The following LRP1B variants were observed in gnomAD, a reference collection of about 807,000 sequenced individuals.
The protein encoded by LRP1B is LDL receptor related protein 1B.
Under a neutral mutation model 556.6 loss-of-function variants are expected in LRP1B, and 217 were observed. That is an observed-to-expected ratio of 0.39 (90% CI 0.35 to 0.44). The LOEUF is 0.44. LRP1B is among the 20% of genes least tolerant of loss of function. LRP1B has a pLI of 1.00. For synonymous variants in LRP1B, 2,047 were observed against 1,865.8 expected (o/e 1.10, Z -2.50); for missense variants, 5,053 against 5,620.8 (o/e 0.90, Z 3.23).
At position 140,963,591 on chromosome 2, in the gene LRP1B, G is replaced by T. The variant is rs373178739; in HGVS notation, c.2888-11651C>A. Among the ~76,000 whole-genome samples the T allele has an allele frequency of 2.0e-5, 3 of 152,052 alleles. No individual in the cohort carries two copies. In the South Asian group the frequency reaches 6.2e-4, roughly 32 times the overall value. ...TTAAAATAATCACTGGCCAGTAACC[G>T]GTGAGGCAGCTCCAGTTAGCTCCTT... On this transcript the variant is annotated intron_variant, in intron 18 of 90. Coordinates refer to ENST00000389484, the MANE Select transcript of LRP1B (RefSeq NM_018557.3).
chr2:141,973,047 C>A (rs1484733202), intron 1 of LRP1B, among the ~76,000 whole-genome samples: 1 of 151,532 alleles, frequency 6.6e-6, no homozygotes, highest in Non-Finnish European at 1.5e-5. Flanking sequence ...CTTCAGACTT[C>A]AAACTGTATT....
At chr2:141,301,082 G>C (rs890541623) in intron 3 of LRP1B, among the ~76,000 whole-genome samples, 19 of 152,102 alleles carry the variant, frequency 1.2e-4, no homozygotes, top group African/African-American at 4.6e-4. Flanking sequence ...GTAGAAGCAG[G>C]AGATATATTA....
At chr2:142,130,625 G>A in intron 1 of LRP1B, 23 bp downstream of exon 1, 1 of 1,592,378 alleles carries the variant, frequency 6.3e-7, no homozygotes, top group South Asian at 1.1e-5. Flanking sequence ...CAGGGGAGGG[G>A]AGCGGGGAGG....
At chr2:141,292,151 G>T (rs1685995092) in intron 3 of LRP1B, among the ~76,000 whole-genome samples, 1 of 152,128 alleles carries the variant, frequency 6.6e-6, no homozygotes, top group Non-Finnish European at 1.5e-5. Flanking sequence ...ACCTGTGCAT[G>T]CGAGGGATCT....
chr2:141,154,605 T>C (rs1702019472), intron 7 of LRP1B, among the ~76,000 whole-genome samples: 1 of 151,872 alleles, frequency 6.6e-6, no homozygotes, highest in African/African-American at 2.4e-5. Context: ...TATATACCTT[T>C]AAAAGCTTAT....
At chr2:141,913,592 C>T (rs990249905) in intron 1 of LRP1B, among the ~76,000 whole-genome samples, 5 of 151,954 alleles carry the variant, frequency 3.3e-5, no homozygotes, top group African/African-American at 1.2e-4. Flanking sequence ...AAGAAACTTT[C>T]TCAATTACAA....
At chr2:140,877,217 T>A (rs938125885) in intron 25 of LRP1B, among the ~76,000 whole-genome samples, 1 of 152,200 alleles carries the variant, frequency 6.6e-6, no homozygotes, top group Non-Finnish European at 1.5e-5. Flanking sequence ...CTTTCGAAGC[T>A]GCCTACTGAT....
chr2:141,816,918 A>G (rs1696574787), intron 1 of LRP1B, among the ~76,000 whole-genome samples: 1 of 152,068 alleles, frequency 6.6e-6, no homozygotes, highest in Non-Finnish European at 1.5e-5. Context: ...GGACAGTTTT[A>G]TATTATCCCT....
chr2:140,873,418 T>C (rs1357444275), intron 25 of LRP1B, among the ~76,000 whole-genome samples: 1 of 152,128 alleles, frequency 6.6e-6, no homozygotes, highest in African/African-American at 2.4e-5. Context: ...GGGAAGGGAA[T>C]GTAATTGTCT....
intron 11 of LRP1B, among the ~76,000 whole-genome samples, chr2:141,044,586 C>T (rs1698810415): frequency 6.6e-6 from 1 of 151,416 alleles, no homozygotes; most frequent in South Asian, 2.1e-4. Context: ...AAAAAACAAA[C>T]AACCCCATCA....
At chr2:141,314,859 T>TATATATACATATATATAC in intron 3 of LRP1B, among the ~76,000 whole-genome samples, 1 of 137,386 alleles carries the variant, frequency 7.3e-6, no homozygotes, top group African/African-American at 2.7e-5. Context: ...TATATATACA[T>TATATATACATATATATAC]ATATATACAT....
intron 2 of LRP1B, among the ~76,000 whole-genome samples, chr2:141,784,841 T>C (rs1454023126): frequency 2.0e-5 from 3 of 152,018 alleles, no homozygotes; most frequent in Non-Finnish European, 2.9e-5. Context: ...TAACAGTCAA[T>C]GTTTTCTTAA....
chr2:142,006,498 C>A (rs1007254246), intron 1 of LRP1B, among the ~76,000 whole-genome samples: 3 of 152,124 alleles, frequency 2.0e-5, no homozygotes, highest in Admixed American at 6.5e-5. Context: ...CTGTGACTTC[C>A]TTTGCATTTA....
At chr2:141,293,625 CT>C (rs376533625) in intron 3 of LRP1B, among the ~76,000 whole-genome samples, 12,733 of 137,088 alleles carry the variant, frequency 0.093, 522 homozygotes, top group South Asian at 0.13. Context: ...TCACTACATT[CT>C]TTTTTTTTTT....
intron 86 of LRP1B, among the ~76,000 whole-genome samples, chr2:140,266,089 C>T (rs1326960904): frequency 2.6e-5 from 4 of 151,976 alleles, no homozygotes; most frequent in Non-Finnish European, 5.9e-5. Context: ...TTCTTAAATA[C>T]ATTAGTCTTT....
intron 3 of LRP1B, among the ~76,000 whole-genome samples, chr2:141,280,518 G>T (rs1277248947): frequency 6.6e-6 from 1 of 151,590 alleles, no homozygotes; most frequent in Non-Finnish European, 1.5e-5. Flanking sequence ...AAAAGCAATG[G>T]CAAAAACCTC....
At chr2:141,914,927 C>G (rs761795970) in intron 1 of LRP1B, among the ~76,000 whole-genome samples, 3 of 152,080 alleles carry the variant, frequency 2.0e-5, no homozygotes, top group Non-Finnish European at 4.4e-5. Context: ...CCATACTACC[C>G]AAAGTATCTA....
intron 66 of LRP1B, among the ~76,000 whole-genome samples, chr2:140,391,757 T>C (rs888751819): frequency 1.6e-4 from 24 of 152,080 alleles, no homozygotes; most frequent in Non-Finnish European, 1.2e-4. Context: ...CTATAAGTCA[T>C]AGCAAAAAAA....
At chr2:141,206,638 A>C (rs1454729921) in intron 6 of LRP1B, among the ~76,000 whole-genome samples, 1 of 152,010 alleles carries the variant, frequency 6.6e-6, no homozygotes, top group African/African-American at 2.4e-5. Flanking sequence ...CACCAAAAAC[A>C]ATTGTAGTGG....
Sources: allele counts gnomAD v4.1 joint callset (sites outside exome capture counted in the v4.1 genomes callset), GRCh38; gene constraint gnomAD v4.1.1; transcripts MANE v1.5; gene names NCBI Gene and HGNC (gene_info 2026-07-23, HGNC 2026-07-21).